SPIDR: variants seen among roughly 807,000 people sequenced by gnomAD.
The protein encoded by SPIDR is scaffold protein involved in DNA repair.
Under a neutral mutation model 104.6 loss-of-function variants are expected in SPIDR, and 93 were observed. That is an observed-to-expected ratio of 0.89 (90% CI 0.75 to 1.06). The LOEUF (loss-of-function observed/expected upper bound fraction) is 1.06, where lower values mean the gene tolerates loss of function less well. Among genes scored for constraint, SPIDR ranks in the 50% least tolerant of loss-of-function variants. The pLI is 0.00. For missense variants in SPIDR, 1,154 were observed against 1,111.2 expected (o/e 1.04, Z -0.55); for synonymous variants, 431 against 416.9 (o/e 1.03, Z -0.41).
intron 7 of SPIDR, among the ~76,000 whole-genome samples, chr8:47,435,029 C>T (rs1185706768): frequency 1.3e-5 from 2 of 151,714 alleles, no homozygotes; most frequent in Non-Finnish European, 2.9e-5. Context: ...AGGTACTTGA[C>T]TAGGGAGGCC....
At chr8:47,462,777 A>G (rs929501505) in intron 8 of SPIDR, among the ~76,000 whole-genome samples, 2 of 152,232 alleles carry the variant, frequency 1.3e-5, no homozygotes, top group African/African-American at 4.8e-5. Flanking sequence ...GAGCATTTCT[A>G]AAGACATCAC....
At chr8:47,478,471 T>G (rs2076525938) in intron 8 of SPIDR, among the ~76,000 whole-genome samples, 1 of 152,158 alleles carries the variant, frequency 6.6e-6, no homozygotes, top group Admixed American at 6.5e-5. Flanking sequence ...TTTCATTTCT[T>G]GGTTGAGTGC....
rs544141665 is a variant in SPIDR, at chr8:47,671,865, A to C, written c.1545-1936A>C. 9.9e-5 allele frequency among the ~76,000 whole-genome samples: 15 copies of C among 152,272 alleles called. No individual in the cohort carries two copies. In the South Asian group the frequency reaches 2.9e-3, roughly 29 times the overall value. On this transcript the variant is annotated intron_variant, in intron 10 of 19. Transcript: ENST00000297423. ...GTGTGCTTCTTGCTTTTAACAGCTCATAGTCTTTGGTATTCTCTAGTTTCA... is the reference window on the plus strand; with the variant it reads ...GTGTGCTTCTTGCTTTTAACAGCTCCTAGTCTTTGGTATTCTCTAGTTTCA...
At chr8:47,310,854 A>AT (rs1397056367) in intron 5 of SPIDR, among the ~76,000 whole-genome samples, 1 of 152,222 alleles carries the variant, frequency 6.6e-6, no homozygotes, top group Non-Finnish European at 1.5e-5. Context: ...AAAAAACTAA[A>AT]TAGTCTTCAG....
intron 8 of SPIDR, among the ~76,000 whole-genome samples, chr8:47,532,289 G>A (rs2086154721): frequency 1.3e-5 from 2 of 151,800 alleles, no homozygotes. Context: ...GGCTGGTCTC[G>A]AACTCCCGAC....
At chr8:47,269,384 AG>A (rs2034794887) in intron 1 of SPIDR, among the ~76,000 whole-genome samples, 1 of 151,448 alleles carries the variant, frequency 6.6e-6, no homozygotes, top group Non-Finnish European at 1.5e-5. Flanking sequence ...CAGCCTCCTG[AG>A]TAGTTGGGAT....
chr8:47,642,509 C>T (rs2069303985), intron 10 of SPIDR, among the ~76,000 whole-genome samples: 1 of 151,944 alleles, frequency 6.6e-6, no homozygotes, highest in Non-Finnish European at 1.5e-5. Flanking sequence ...ATTTATAGGT[C>T]AAGACAGCCC....
intron 5 of SPIDR, among the ~76,000 whole-genome samples, chr8:47,309,862 C>T (rs1377384342): frequency 4.0e-5 from 6 of 150,340 alleles, no homozygotes; most frequent in Admixed American, 1.3e-4. Context: ...CACAGTGAAA[C>T]CCTGTCTCTA....
intron 5 of SPIDR, among the ~76,000 whole-genome samples, chr8:47,323,035 A>C (rs1736690955): frequency 6.6e-6 from 1 of 152,096 alleles, no homozygotes; most frequent in Non-Finnish European, 1.5e-5. Context: ...ACATGTATAC[A>C]TATGTAACTA....
chr8:47,518,090 A>G (rs2083430936), intron 8 of SPIDR, among the ~76,000 whole-genome samples: 1 of 152,260 alleles, frequency 6.6e-6, no homozygotes, highest in African/African-American at 2.4e-5. Flanking sequence ...ATTTAAAGTA[A>G]TTGTAGGCTA....
At chr8:47,660,280 G>GA (rs540220851) in intron 10 of SPIDR, among the ~76,000 whole-genome samples, 4 of 151,388 alleles carry the variant, frequency 2.6e-5, no homozygotes, top group East Asian at 1.9e-4. Context: ...GTAAGAAAAG[G>GA]AAAAAAAAAT....
intron 8 of SPIDR, among the ~76,000 whole-genome samples, chr8:47,548,541 G>C (rs1014282427): frequency 2.0e-5 from 3 of 152,102 alleles, no homozygotes; most frequent in African/African-American, 7.2e-5. Flanking sequence ...CCAGCTACTC[G>C]GGAGGCTGAG....
Position 47,377,934 on chromosome 8 carries a change from G to A in SPIDR, c.526-18442G>A, listed in dbSNP as rs117749250. On this transcript the variant is annotated intron_variant, in intron 5 of 19. Coordinates refer to ENST00000297423, the MANE Select transcript of SPIDR (RefSeq NM_001080394.4). ...TTACAAAATGTCCTTTTAGTGCCTT[G>A]ATTATTTTTATTCAGCAGTATCTTA... is the stretch of plus-strand genomic sequence containing the variant. Among the ~76,000 whole-genome samples the A allele has an allele frequency of 5.0e-4, 76 of 152,170 alleles. 1 individual carries two copies. In the East Asian group the frequency reaches 0.014, roughly 28 times the overall value.
intron 6 of SPIDR, among the ~76,000 whole-genome samples, chr8:47,404,278 C>A (rs919277445): frequency 3.9e-5 from 6 of 152,076 alleles, no homozygotes; most frequent in Admixed American, 6.6e-5. Context: ...ACCATTCAGG[C>A]CATAGGCAAG....
At chr8:47,729,800 C>T (rs899409084) in intron 19 of SPIDR, 14 of 224,198 alleles carry the variant, frequency 6.2e-5, no homozygotes, top group Non-Finnish European at 1.1e-4. Context: ...CTCACTGCAA[C>T]CTCCGCCTCC....
chr8:47,682,409 G>C (rs954336939), intron 11 of SPIDR, among the ~76,000 whole-genome samples: 1 of 152,142 alleles, frequency 6.6e-6, no homozygotes, highest in Non-Finnish European at 1.5e-5. Context: ...TAATGGGGTT[G>C]GGGTCTACTT....
chr8:47,690,785 C>T (rs2078531403), intron 11 of SPIDR, among the ~76,000 whole-genome samples: 1 of 152,152 alleles, frequency 6.6e-6, no homozygotes, highest in East Asian at 1.9e-4. Flanking sequence ...CACCATTGCA[C>T]TCCAGCCTGG....
At chr8:47,295,284 G>C (rs913474683) in intron 5 of SPIDR, among the ~76,000 whole-genome samples, 90 of 152,030 alleles carry the variant, frequency 5.9e-4, no homozygotes, top group Non-Finnish European at 8.8e-4. Context: ...GTGTCTATTT[G>C]TCCTCCTTAT....
intron 5 of SPIDR, among the ~76,000 whole-genome samples, chr8:47,320,034 A>G (rs1461553846): frequency 6.6e-5 from 10 of 152,164 alleles, no homozygotes; most frequent in Non-Finnish European, 1.5e-4. Context: ...CACAATTAAA[A>G]GAACTAGAGA....
Sources: allele counts gnomAD v4.1 joint callset (sites outside exome capture counted in the v4.1 genomes callset), GRCh38; gene constraint gnomAD v4.1.1; transcripts MANE v1.5; gene names NCBI Gene and HGNC (gene_info 2026-07-23, HGNC 2026-07-21).